Variants in TEX36 observed in about 807,000 individuals in gnomAD.
The protein encoded by TEX36 is testis-expressed protein 36.
A neutral mutation model predicts 13.6 loss-of-function variants in TEX36; 12 were observed. The observed-to-expected ratio is 0.88, with a 90% CI of 0.56 to 1.43. TEX36 has a LOEUF of 1.43. Among genes scored for constraint, TEX36 ranks in the 40% most tolerant of loss-of-function variants. The pLI is 0.00. For missense variants in TEX36, 224 were observed against 228.3 expected (o/e 0.98, Z 0.12); for synonymous variants, 93 against 83.0 (o/e 1.12, Z -0.65).
At chr10:125,662,678 CAG>C (rs923651676) in intron 1 of TEX36, among the ~76,000 whole-genome samples, 4 of 152,092 alleles carry the variant, frequency 2.6e-5, no homozygotes, top group Admixed American at 2.6e-4. Context: ...GGTGGCCACT[CAG>C]AGCTGGGGAG....
At chr10:125,597,860 T>C (rs1055366815) in intron 3 of TEX36, among the ~76,000 whole-genome samples, 2 of 152,168 alleles carry the variant, frequency 1.3e-5, no homozygotes, top group African/African-American at 4.8e-5. Context: ...ATATGCTAGG[T>C]GTTATCTTTT....
At chr10:125,644,745 TATGTTATGTTAC>T (rs1333672450) in intron 3 of TEX36, among the ~76,000 whole-genome samples, 7 of 152,200 alleles carry the variant, frequency 4.6e-5, no homozygotes, top group Admixed American at 2.0e-4. Flanking sequence ...ATCCCATGAT[TATGTTATGTTAC>T]ATGTTATGTT....
At chr10:125,661,375 G>C (rs1037596546) in intron 2 of TEX36, among the ~76,000 whole-genome samples, 2 of 152,202 alleles carry the variant, frequency 1.3e-5, no homozygotes, top group African/African-American at 2.4e-5. Context: ...GGATGGAAAA[G>C]TGTACAGGCT....
chr10:125,680,773 G>T (rs1847381257), intron 1 of TEX36, among the ~76,000 whole-genome samples: 1 of 152,230 alleles, frequency 6.6e-6, no homozygotes, highest in Admixed American at 6.5e-5. Context: ...GCTGACAGCA[G>T]AAAGGATTTT....
intron 3 of TEX36, among the ~76,000 whole-genome samples, chr10:125,593,904 TTTTATG>T (rs2133535447): frequency 6.6e-6 from 1 of 152,334 alleles, no homozygotes; most frequent in African/African-American, 2.4e-5. Flanking sequence ...AAATGGTTGA[TTTTATG>T]TTATGCAAAT....
downstream of TEX36, among the ~76,000 whole-genome samples, chr10:125,619,035 C>T (rs1846395576): frequency 6.7e-6 from 1 of 148,566 alleles, no homozygotes; most frequent in Non-Finnish European, 1.5e-5. Flanking sequence ...GAGGCTGAGG[C>T]AGGAGAATGG....
At chr10:125,588,456 A>G (rs1402856820) in intron 3 of TEX36, among the ~76,000 whole-genome samples, 2 of 152,176 alleles carry the variant, frequency 1.3e-5, no homozygotes, top group Non-Finnish European at 2.9e-5. Flanking sequence ...GCTCTACAGG[A>G]AGCAGAGTGC....
In TEX36 at chr10:125,597,083, T is replaced by C. The variant is rs56770587; in HGVS notation, c.265-20209A>G. Among the ~76,000 whole-genome samples, 867 of 152,306 alleles carry C rather than the reference T, an allele frequency of 5.7e-3. 10 individuals carry two copies. The highest frequency in any genetic ancestry group is 0.02 in the African/African-American group (832 of 41,578). ...CCCAAACCTGGCTGAGCCCTGCAGG[T>C]GACCACATGCAATTTTAGGGGAGTG... On this transcript the variant is annotated intron_variant, in intron 3 of 3. Transcript: ENST00000532135.
downstream of TEX36, among the ~76,000 whole-genome samples, chr10:125,619,130 A>C (rs929376217): frequency 2.0e-5 from 3 of 151,626 alleles, no homozygotes; most frequent in Non-Finnish European, 2.9e-5. Flanking sequence ...ACTCCATCTC[A>C]AAAAAATAAA....
At chr10:125,585,660 TAACA>T (rs1240217051) in intron 3 of TEX36, among the ~76,000 whole-genome samples, 2 of 152,216 alleles carry the variant, frequency 1.3e-5, no homozygotes, top group East Asian at 1.9e-4. Flanking sequence ...AAAAGAATCC[TAACA>T]AACAGGGCTT....
chr10:125,584,373 A>G (rs1397992182), intron 3 of TEX36, among the ~76,000 whole-genome samples: 1 of 152,280 alleles, frequency 6.6e-6, no homozygotes, highest in Non-Finnish European at 1.5e-5. Context: ...ATAAATGTAG[A>G]TAATTCAGAA....
At chr10:125,645,732 G>A (rs12219308) in intron 3 of TEX36, among the ~76,000 whole-genome samples, 1 of 152,020 alleles carries the variant, frequency 6.6e-6, no homozygotes, top group South Asian at 2.1e-4. Context: ...GGAGAAAAGT[G>A]GGTAAAAAAT....
chr10:125,675,715 C>T (rs1355115338), intron 1 of TEX36, among the ~76,000 whole-genome samples: 1 of 152,208 alleles, frequency 6.6e-6, no homozygotes, highest in Non-Finnish European at 1.5e-5. Context: ...GTCATGCCAA[C>T]CACCTAGTCA....
intron 1 of TEX36, chr10:125,667,870 G>T: frequency 6.6e-7 from 1 of 1,517,968 alleles, no homozygotes. Flanking sequence ...GGATGCCCTT[G>T]CCCAGTGCCA....
At chr10:125,651,129 C>G (rs1395545042), downstream of TEX36, among the ~76,000 whole-genome samples, 1 of 152,288 alleles carries the variant, frequency 6.6e-6, no homozygotes, top group African/African-American at 2.4e-5. Flanking sequence ...AAGAGGGAAT[C>G]CTCCCTAAAT....
At chr10:125,669,584 T>C (rs953466565) in intron 1 of TEX36, among the ~76,000 whole-genome samples, 12 of 152,246 alleles carry the variant, frequency 7.9e-5, no homozygotes, top group Non-Finnish European at 1.8e-4. Flanking sequence ...ATTTTTATCT[T>C]TTTAAAATTT....
At chr10:125,596,506 T>G (rs1015400631) in intron 3 of TEX36, among the ~76,000 whole-genome samples, 1 of 152,198 alleles carries the variant, frequency 6.6e-6, no homozygotes, top group Non-Finnish European at 1.5e-5. Flanking sequence ...ATGGATTCTC[T>G]CCTAGAGCCT....
At chr10:125,578,585 T>G (rs548683522) in intron 3 of TEX36, 3 of 152,272 alleles carry the variant, frequency 2.0e-5, no homozygotes, top group African/African-American at 7.2e-5. Flanking sequence ...CTGCTGTCCC[T>G]GAAGAACAGA....
chr10:125,640,740 G>GACAGGGTTA (rs1846678003), intron 3 of TEX36, among the ~76,000 whole-genome samples: 1 of 152,142 alleles, frequency 6.6e-6, no homozygotes, highest in Admixed American at 6.5e-5. Context: ...TCAAGGCAGA[G>GACAGGGTTA]CTGGGCTGAA....
Sources: gnomAD v4.1 joint callset for allele counts (sites outside exome capture counted in the v4.1 genomes callset) on GRCh38, gnomAD v4.1.1 for gene constraint, MANE v1.5 for transcripts, NCBI Gene and HGNC (gene_info 2026-07-23, HGNC 2026-07-21) for gene names.